Variants in HNRNPM observed in about 807,000 individuals in gnomAD.
HNRNPM encodes the protein CEA receptor.
HNRNPM carries 11 observed loss-of-function variants against 73.1 expected under a neutral mutation model. The ratio of observed to expected loss-of-function variants is 0.15; its 90% CI spans 0.09 to 0.25. The LOEUF (loss-of-function observed/expected upper bound fraction) is 0.25. HNRNPM is among the 10% of genes least tolerant of loss of function. The pLI is 1.00. For synonymous variants in HNRNPM, 407 were observed against 355.2 expected (o/e 1.15, Z -1.64); for missense variants, 789 against 1,067.9 (o/e 0.74, Z 3.64).
At chr19:8,469,020 T>A (rs2145684543) in intron 9 of HNRNPM, among the ~76,000 whole-genome samples, 186 bp downstream of exon 9, 1 of 152,272 alleles carries the variant, frequency 6.6e-6, no homozygotes, top group South Asian at 2.1e-4. Context: ...ATTGTTAGGA[T>A]TACCTCATGG....
At chr19:8,483,084 G>A in intron 12 of HNRNPM, 74 bp from the exon 13 acceptor site, 1 of 916,838 alleles carries the variant, frequency 1.1e-6, no homozygotes. Context: ...TTTCTACTCT[G>A]GAATCTGTAA....
chr19:8,450,830 CT>C (rs1555697627), intron 1 of HNRNPM, among the ~76,000 whole-genome samples: 1 of 148,884 alleles, frequency 6.7e-6, no homozygotes, highest in Non-Finnish European at 1.5e-5. Flanking sequence ...TCAAGTGATT[CT>C]CCTGCCTCAG....
chr19:8,464,588 C>T (rs1327911658), intron 5 of HNRNPM, among the ~76,000 whole-genome samples: 3 of 152,010 alleles, frequency 2.0e-5, no homozygotes, highest in Non-Finnish European at 4.4e-5. Flanking sequence ...GCCGAGATCG[C>T]GCCATTGAAC....
chr19:8,476,241 C>CTCCT (rs1281082200), intron 12 of HNRNPM, among the ~76,000 whole-genome samples: 1 of 152,180 alleles, frequency 6.6e-6, no homozygotes, highest in African/African-American at 2.4e-5. Context: ...AGAACAGGGA[C>CTCCT]TCCTTCCCAC....
At chr19:8,480,201 C>A (rs1210105654) in intron 12 of HNRNPM, among the ~76,000 whole-genome samples, 1 of 149,836 alleles carries the variant, frequency 6.7e-6, no homozygotes, top group Non-Finnish European at 1.5e-5. Context: ...TGTGGTGAAA[C>A]CCCGTCTCTA....
At chr19:8,484,008 C>T (rs1209878520) in intron 13 of HNRNPM, among the ~76,000 whole-genome samples, 2 of 152,030 alleles carry the variant, frequency 1.3e-5, no homozygotes, top group Non-Finnish European at 2.9e-5. Context: ...CCTCAAGTGA[C>T]CTGCATACCT....
intron 5 of HNRNPM, among the ~76,000 whole-genome samples, chr19:8,464,854 C>T (rs138771594): frequency 2.6e-5 from 4 of 152,264 alleles, no homozygotes; most frequent in African/African-American, 9.6e-5. Flanking sequence ...CTCACACACA[C>T]GCCTCCAACA....
At chr19:8,447,796 G>A (rs886965272) in intron 1 of HNRNPM, among the ~76,000 whole-genome samples, 7 of 152,172 alleles carry the variant, frequency 4.6e-5, no homozygotes, top group African/African-American at 1.7e-4. Context: ...GGAGGCCGAG[G>A]CGGGCAGATC....
At chr19:8,456,403 GAC>G (rs746642254) in intron 2 of HNRNPM, among the ~76,000 whole-genome samples, 12 of 152,220 alleles carry the variant, frequency 7.9e-5, no homozygotes, top group Admixed American at 1.3e-4. Context: ...GGACTAAAGA[GAC>G]TGCTCAGCCC....
chr19:8,484,770 T>C (rs926130478), intron 13 of HNRNPM, among the ~76,000 whole-genome samples: 2 of 151,996 alleles, frequency 1.3e-5, no homozygotes, highest in African/African-American at 4.8e-5. Flanking sequence ...AGCGACAGGG[T>C]TTCGGGGAGG....
chr19:8,457,683 A>C (rs568657791), intron 2 of HNRNPM, among the ~76,000 whole-genome samples: 2 of 152,350 alleles, frequency 1.3e-5, no homozygotes, highest in East Asian at 1.9e-4. Flanking sequence ...TACTGTGTTT[A>C]CATACATATG....
rs765472975 is a variant in HNRNPM, at chr19:8,473,661, A to G, written c.998-3A>G. On this transcript the variant is annotated splice_polypyrimidine_tract_variant and splice_region_variant and intron_variant, in intron 10 of 15. Coordinates refer to ENST00000325495, the MANE Select transcript of HNRNPM (RefSeq NM_005968.5). ...TAGTTTGCATTGACTTTTTCTTTTT[A>G]AGGAATGGGAATGGAAGGCATAGGA... The G allele has an allele frequency of 6.4e-7, 1 of 1,559,924 alleles. No individual in the cohort carries two copies. The highest frequency in any genetic ancestry group is 8.8e-7 in the Non-Finnish European group (1 of 1,134,494).
chr19:8,469,854 C>G (rs1408232169), intron 9 of HNRNPM, among the ~76,000 whole-genome samples: 4 of 152,206 alleles, frequency 2.6e-5, no homozygotes, highest in Non-Finnish European at 5.9e-5. Flanking sequence ...TGGATGGGAG[C>G]CCAGGCCAGA....
intron 9 of HNRNPM, among the ~76,000 whole-genome samples, 199 bp from the exon 10 acceptor site, chr19:8,471,127 A>G (rs1395866084): frequency 6.6e-6 from 1 of 151,492 alleles, no homozygotes; most frequent in Non-Finnish European, 1.5e-5. Context: ...TGTTGTATAC[A>G]CACATATCCC....
chr19:8,486,131 T>C lies in HNRNPM; in HGVS notation c.1703T>C (p.Leu568Pro). ...MGANNLERMG[L>P]ERMGANSLER... ...GCCAACAATCTGGAGCGGATGGGCC[T>C]GGAGCGCATGGGCGCCAACAGCCTC... Residue 568 changes from leucine (L) to proline (P), a missense_variant, in exon 14 of 16, where the codon CTG becomes CCG. This residue lies in a region of HNRNPM where 604 missense variants were observed against 744.0 expected (regional missense o/e 0.81). Coordinates refer to ENST00000325495, the MANE Select transcript of HNRNPM (RefSeq NM_005968.5). 6.2e-7 allele frequency: 1 copy of C among 1,605,334 alleles called. No individual in the cohort carries two copies.
At chr19:8,453,237 G>C (rs1968754153) in intron 1 of HNRNPM, among the ~76,000 whole-genome samples, 1 of 152,048 alleles carries the variant, frequency 6.6e-6, no homozygotes, top group Non-Finnish European at 1.5e-5. Flanking sequence ...CGCCCCCCGG[G>C]TTCAAGCGAT....
intron 13 of HNRNPM, among the ~76,000 whole-genome samples, chr19:8,484,764 A>C (rs749102240): frequency 2.0e-5 from 3 of 152,146 alleles, no homozygotes; most frequent in African/African-American, 4.8e-5. Context: ...GAGGCAAGCG[A>C]CAGGGTTTCG....
intron 1 of HNRNPM, among the ~76,000 whole-genome samples, chr19:8,454,673 G>GCCCCCC (rs58635160): frequency 9.7e-6 from 1 of 103,008 alleles, no homozygotes; most frequent in Non-Finnish European, 1.9e-5. Context: ...ATCATTTTAT[G>GCCCCCC]CCCCCCCCCC....
chr19:8,482,798 G>T, intron 12 of HNRNPM: 1 of 186,010 alleles, frequency 5.4e-6, no homozygotes, highest in Non-Finnish European at 1.1e-5. Context: ...CCTCAGTCCT[G>T]AGAGCCTGGA....
Sources: allele counts gnomAD v4.1 joint callset (sites outside exome capture counted in the v4.1 genomes callset), GRCh38; gene constraint gnomAD v4.1.1; regional missense constraint gnomAD v4.1.1; transcripts MANE v1.5; gene names NCBI Gene and HGNC (gene_info 2026-07-23, HGNC 2026-07-21).